Variants in XXYLT1 observed in about 807,000 individuals in gnomAD.
XXYLT1 encodes UDP-xylose:alpha-xyloside alpha-1,3-xylosyltransferase.
Under a neutral mutation model 28.9 loss-of-function variants are expected in XXYLT1, and 20 were observed. That is an observed-to-expected ratio of 0.69 (90% CI 0.49 to 1.00). The LOEUF (loss-of-function observed/expected upper bound fraction) is 1.00, where lower values mean the gene tolerates loss of function less well. XXYLT1 is among the 50% of genes least tolerant of loss of function. The pLI, the probability that XXYLT1 is intolerant of heterozygous loss-of-function variation, is 0.00. For synonymous variants in XXYLT1, 257 were observed against 253.8 expected (o/e 1.01, Z -0.12); for missense variants, 542 against 560.1 (o/e 0.97, Z 0.33).
At chr3:195,140,969 G>T (rs1719458610) in intron 3 of XXYLT1, among the ~76,000 whole-genome samples, 1 of 152,070 alleles carries the variant, frequency 6.6e-6, no homozygotes, top group African/African-American at 2.4e-5. Flanking sequence ...GTGCCCTTAT[G>T]AGAGACATGA....
intron 2 of XXYLT1, among the ~76,000 whole-genome samples, chr3:195,183,851 A>G (rs1722062990): frequency 6.6e-6 from 1 of 152,148 alleles, no homozygotes; most frequent in South Asian, 2.1e-4. Flanking sequence ...AACCAGTGTG[A>G]AGGCTGAATG....
chr3:195,140,932 G>A (rs1421516297), intron 3 of XXYLT1, among the ~76,000 whole-genome samples: 4 of 152,152 alleles, frequency 2.6e-5, no homozygotes, highest in African/African-American at 9.7e-5. Context: ...ATTAGGTCAT[G>A]AGGGTGGGGC....
At chr3:195,260,174 C>CG (rs1725634210) in intron 1 of XXYLT1, 1 of 151,002 alleles carries the variant, frequency 6.6e-6, no homozygotes, top group African/African-American at 2.4e-5. Flanking sequence ...CCTCGCCGGC[C>CG]GGGGGTCGGG....
intron 3 of XXYLT1, among the ~76,000 whole-genome samples, chr3:195,099,150 G>A (rs114331030): frequency 0.011 from 1,630 of 152,280 alleles, 14 homozygotes; most frequent in Non-Finnish European, 0.017. Context: ...TCAAACAACC[G>A]CTTGCTGTTG....
chr3:195,246,057 A>G (rs933962214), intron 1 of XXYLT1, among the ~76,000 whole-genome samples: 1 of 152,200 alleles, frequency 6.6e-6, no homozygotes, highest in Admixed American at 6.5e-5. Flanking sequence ...ACAACCACAC[A>G]CACACCTGCT....
At chr3:195,070,378 C>T (rs1714734136) in intron 3 of XXYLT1, among the ~76,000 whole-genome samples, 1 of 152,042 alleles carries the variant, frequency 6.6e-6, no homozygotes, top group Non-Finnish European at 1.5e-5. Flanking sequence ...AGGCGCCATA[C>T]TAGACCGGCT....
intron 2 of XXYLT1, among the ~76,000 whole-genome samples, chr3:195,184,432 C>A (rs1243372701): frequency 6.6e-6 from 1 of 152,220 alleles, no homozygotes; most frequent in African/African-American, 2.4e-5. Context: ...ACGGCATGAT[C>A]TTTAAACCGA....
intron 3 of XXYLT1, among the ~76,000 whole-genome samples, chr3:195,143,805 G>GATATATATAGATATAGATATATATAGAT (rs1719630180): frequency 3.8e-5 from 2 of 52,994 alleles, no homozygotes; most frequent in Non-Finnish European, 7.3e-5. Flanking sequence ...TATATAGATA[G>GATATATATAGATATAGATATATATAGAT]ATATATATAG....
At chr3:195,218,424 G>A (rs1424807027) in intron 2 of XXYLT1, among the ~76,000 whole-genome samples, 2 of 152,048 alleles carry the variant, frequency 1.3e-5, no homozygotes, top group African/African-American at 4.8e-5. Context: ...ATCCGACAAA[G>A]GGCTAATATC....
chr3:195,085,866 C>G (rs1272574194), intron 3 of XXYLT1: 14 of 152,388 alleles, frequency 9.2e-5, no homozygotes, highest in Admixed American at 9.2e-4. Flanking sequence ...CTCCCCCACC[C>G]CGAGGCTAGC....
intron 3 of XXYLT1, among the ~76,000 whole-genome samples, chr3:195,132,747 C>A (rs995411456): frequency 6.6e-6 from 1 of 152,256 alleles, no homozygotes; most frequent in East Asian, 1.9e-4. Context: ...CTGACACCTA[C>A]CAGCCAGCAG....
chr3:195,262,595 A>G (rs908789699), intron 1 of XXYLT1, among the ~76,000 whole-genome samples: 3 of 152,208 alleles, frequency 2.0e-5, no homozygotes, highest in African/African-American at 7.2e-5. Flanking sequence ...CCAAAGCTGG[A>G]GCAGTTAATC....
intron 2 of XXYLT1, among the ~76,000 whole-genome samples, chr3:195,171,457 C>T (rs772105124): frequency 1.3e-5 from 2 of 152,196 alleles, no homozygotes; most frequent in Non-Finnish European, 2.9e-5. Context: ...AGAAATCTGA[C>T]TTGGCCTTTC....
intron 1 of XXYLT1, among the ~76,000 whole-genome samples, chr3:195,233,911 T>C (rs932570768): frequency 6.6e-6 from 1 of 152,068 alleles, no homozygotes; most frequent in Non-Finnish European, 1.5e-5. Flanking sequence ...CCCTTTAGCA[T>C]TTTTGTTTTG....
At position 195,077,044 on chromosome 3, in the gene XXYLT1, T is replaced by C. The variant is rs1715161776; in HGVS notation, c.786-6933A>G. 6.6e-6 allele frequency among the ~76,000 whole-genome samples: 1 copy of C among 152,186 alleles called. No individual in the cohort carries two copies. The highest frequency in any genetic ancestry group is 1.5e-5 in the Non-Finnish European group (1 of 68,032). Reference sequence around the variant, plus strand: ...GGAGAAAAACACCACAGCTCACTGGTACCTTGTTCTCACTGTCCAGGGACT... The same window carrying C: ...GGAGAAAAACACCACAGCTCACTGGCACCTTGTTCTCACTGTCCAGGGACT... On this transcript the variant is annotated intron_variant, in intron 3 of 3. Transcript: ENST00000310380. This position sits in a 1 kb window ranked among gnomAD's most constrained non-coding sequence, Gnocchi z 4.8.
At chr3:195,188,680 T>C (rs1436108763) in intron 2 of XXYLT1, among the ~76,000 whole-genome samples, 1 of 152,236 alleles carries the variant, frequency 6.6e-6, no homozygotes, top group Non-Finnish European at 1.5e-5. Flanking sequence ...TTTTGGGGCT[T>C]GCTTGTCCTG....
chr3:195,155,296 G>C (rs1720505146), intron 3 of XXYLT1, among the ~76,000 whole-genome samples: 1 of 152,102 alleles, frequency 6.6e-6, no homozygotes, highest in African/African-American at 2.4e-5. Flanking sequence ...CCAACGACTG[G>C]GCCTCCCTCC....
chr3:195,131,311 GA>G (rs1490063501), intron 3 of XXYLT1, among the ~76,000 whole-genome samples: 1 of 152,234 alleles, frequency 6.6e-6, no homozygotes, highest in Non-Finnish European at 1.5e-5. Flanking sequence ...CAGGTGATCT[GA>G]CTTGCCTGAA....
At chr3:195,165,976 C>A (rs1357248086) in intron 2 of XXYLT1, among the ~76,000 whole-genome samples, 1 of 152,126 alleles carries the variant, frequency 6.6e-6, no homozygotes, top group Non-Finnish European at 1.5e-5. Context: ...TCATTGCTTT[C>A]ATCTCTGTTT....
Sources: gnomAD v4.1 joint callset for allele counts (sites outside exome capture counted in the v4.1 genomes callset) on GRCh38, gnomAD v4.1.1 for gene constraint, Gnocchi (gnomAD v3.1) non-coding constraint, MANE v1.5 for transcripts, NCBI Gene and HGNC (gene_info 2026-07-23, HGNC 2026-07-21) for gene names.